The following RSPH14 variants were observed in gnomAD, a reference collection of about 807,000 sequenced individuals.
RSPH14 encodes radial spoke head 14 homolog, also known as rhabdoid tumor deletion region gene 1.
A neutral mutation model predicts 26.7 loss-of-function variants in RSPH14; 20 were observed. The observed-to-expected ratio is 0.75, with a 90% CI of 0.53 to 1.09. The LOEUF is 1.09. Ranked by LOEUF, RSPH14 falls within the 50% of genes least tolerant of loss-of-function variation. RSPH14 has a pLI of 0.00. For missense variants in RSPH14, 449 were observed against 457.2 expected (o/e 0.98, Z 0.16); for synonymous variants, 177 against 189.3 (o/e 0.93, Z 0.53).
At chr22:23,168,924 C>T in the RSPH14 span, among the ~76,000 whole-genome samples, 21 of 152,320 alleles carry the variant, frequency 1.4e-4, no homozygotes, top group Non-Finnish European at 2.1e-4. Context: ...CCTGAGGGTA[C>T]ACTAGGCCTC....
chr22:23,116,532 G>A (rs2069840910), intron 4 of RSPH14, among the ~76,000 whole-genome samples: 1 of 152,238 alleles, frequency 6.6e-6, no homozygotes, highest in Admixed American at 6.5e-5. Flanking sequence ...CAGGACACCT[G>A]TGGTGGCCTG....
At chr22:23,153,663 C>T in the RSPH14 span, 12 of 980,630 alleles carry the variant, frequency 1.2e-5, no homozygotes, top group South Asian at 3.8e-4. Context: ...CACTCCCTCT[C>T]CCCAGCCTCA....
chr22:23,125,201 A>G (rs530753487), intron 4 of RSPH14, among the ~76,000 whole-genome samples: 97 of 152,288 alleles, frequency 6.4e-4, no homozygotes, highest in Admixed American at 3.1e-3. Flanking sequence ...CATCACAAAT[A>G]AACATCACGA....
intron 4 of RSPH14, chr22:23,096,031 C>T (rs1244092911): frequency 1.2e-6 from 2 of 1,606,752 alleles, no homozygotes; most frequent in Non-Finnish European, 1.7e-6. Flanking sequence ...CGCTGACGGG[C>T]CCCGCTGAGA....
At chr22:23,147,329 G>C (rs992208754), upstream of RSPH14, among the ~76,000 whole-genome samples, 2 of 151,266 alleles carry the variant, frequency 1.3e-5, no homozygotes, top group African/African-American at 4.9e-5. Context: ...CAGCCATTCT[G>C]TTTCTTTTTT....
chr22:23,082,776 G>A (rs1016930487), intron 4 of RSPH14, among the ~76,000 whole-genome samples: 16 of 152,136 alleles, frequency 1.1e-4, no homozygotes, highest in African/African-American at 2.9e-4. Context: ...CTGCAGGGAA[G>A]TGTGAGGTTT....
chr22:23,139,024 G>C, intron 2 of RSPH14, 82 bp from the exon 3 acceptor site: 2 of 1,103,880 alleles, frequency 1.8e-6, no homozygotes, highest in Non-Finnish European at 2.6e-6. Context: ...AAGTCAATAA[G>C]TGGGCCAGTT....
upstream of RSPH14, chr22:23,146,669 T>C (rs1172313858): frequency 6.2e-7 from 1 of 1,614,014 alleles, no homozygotes; most frequent in Non-Finnish European, 8.5e-7. Context: ...GACCGTGTCA[T>C]CGCCAGCTTC....
the RSPH14 span, chr22:23,179,916 A>C: frequency 1.9e-5 from 5 of 266,556 alleles, no homozygotes; most frequent in Non-Finnish European, 3.5e-5. Flanking sequence ...TGAGGAACTT[A>C]CCTGCGTCTC....
chr22:23,109,343 G>A (rs951617405), intron 4 of RSPH14, among the ~76,000 whole-genome samples: 8 of 150,072 alleles, frequency 5.3e-5, no homozygotes, highest in Non-Finnish European at 8.9e-5. Flanking sequence ...CCATGGCCCC[G>A]AGCTCTGCCC....
chr22:23,166,147 T>TAAAAAAAAAAA, the RSPH14 span, among the ~76,000 whole-genome samples: 3 of 59,888 alleles, frequency 5.0e-5, no homozygotes, highest in African/African-American at 2.1e-4. Context: ...CTCTGTCTTT[T>TAAAAAAAAAAA]AAAAAAAAAA....
chr22:23,075,733 C>G lies in RSPH14; in HGVS notation c.422-11600G>C, dbSNP rs558869701. On this transcript the variant is annotated intron_variant, in intron 4 of 6. Coordinates refer to ENST00000216036, the MANE Select transcript of RSPH14 (RefSeq NM_014433.3). The stretch of plus-strand genomic sequence containing the variant: ...CAGAAACACACCCCGTCCCCGAGGG[C>G]TCAGCCAGGCCTCTCATGGCCATGG... Among the ~76,000 whole-genome samples, 24 of 152,298 alleles carry G rather than the reference C, an allele frequency of 1.6e-4. No homozygotes were observed. The South Asian group carries it at 5.0e-3, about 32-fold the overall frequency.
At chr22:23,133,741 C>G (rs1339350352) in intron 4 of RSPH14, among the ~76,000 whole-genome samples, 1 of 152,114 alleles carries the variant, frequency 6.6e-6, no homozygotes, top group Non-Finnish European at 1.5e-5. Flanking sequence ...AGGTGCCCAC[C>G]ACCATGCCCA....
At chr22:23,067,117 A>G (rs1003267207) in intron 4 of RSPH14, among the ~76,000 whole-genome samples, 10 of 152,188 alleles carry the variant, frequency 6.6e-5, no homozygotes, top group African/African-American at 2.4e-4. Flanking sequence ...TGTAGGGGCT[A>G]GGATGGGTTC....
chr22:23,059,789 C>T, intron 6 of RSPH14, 71 bp from the exon 7 acceptor site: 1 of 1,446,360 alleles, frequency 6.9e-7, no homozygotes. Context: ...TCACCCTAGC[C>T]CTCTCCTGAC....
intron 4 of RSPH14, among the ~76,000 whole-genome samples, chr22:23,090,323 G>C (rs904127515): frequency 2.6e-5 from 4 of 152,068 alleles, no homozygotes; most frequent in African/African-American, 9.7e-5. Context: ...TCCATCACCA[G>C]GCACTGTGCA....
the RSPH14 span, chr22:23,158,953 C>A: frequency 6.2e-7 from 1 of 1,614,202 alleles, no homozygotes; most frequent in Non-Finnish European, 8.5e-7. Flanking sequence ...CTTCATCTTC[C>A]TCGTGGGAAC....
intron 5 of RSPH14, 102 bp from the exon 6 acceptor site, chr22:23,062,047 G>T (rs2068108515): frequency 7.2e-7 from 1 of 1,394,010 alleles, no homozygotes; most frequent in Non-Finnish European, 9.8e-7. Context: ...ATTGTGTGGG[G>T]GCTACCCCAG....
rs145699982 is a variant in RSPH14 at position 23,130,712 on chromosome 22, C to T, written c.421+3314G>A. Among the ~76,000 whole-genome samples the T allele has an allele frequency of 4.5e-3, 681 of 152,258 alleles. 7 individuals are homozygous for T. Among genetic ancestry groups the T allele is most frequent in the African/African-American group, 0.016 (647 of 41,542 alleles). ...ATCAATAAGAAATGGAAAAACAACT[C>T]GGCAACAGAATGAACACACTCTCTC... On this transcript the variant is annotated intron_variant, in intron 4 of 6. Coordinates refer to ENST00000216036, the MANE Select transcript of RSPH14 (RefSeq NM_014433.3).
Sources: gnomAD v4.1 joint callset for allele counts (sites outside exome capture counted in the v4.1 genomes callset) on GRCh38, gnomAD v4.1.1 for gene constraint, MANE v1.5 for transcripts, NCBI Gene and HGNC (gene_info 2026-07-23, HGNC 2026-07-21) for gene names.